VPS53: variants seen among roughly 807,000 people sequenced by gnomAD.
VPS53 encodes the protein vacuolar protein sorting-associated protein 53 homolog.
VPS53 carries 70 observed loss-of-function variants against 107.0 expected under a neutral mutation model. The observed-to-expected ratio is 0.65, with a 90% CI of 0.54 to 0.80. The LOEUF (loss-of-function observed/expected upper bound fraction) is 0.80. Among genes scored for constraint, VPS53 ranks in the 30% least tolerant of loss-of-function variants. The probability of loss-of-function intolerance (pLI) is 0.00; values close to 1 mark genes in which losing one functional copy is unlikely to be tolerated. For missense variants in VPS53, 917 were observed against 1,049.4 expected, an observed-to-expected ratio of 0.87 and a Z score of 1.74; for synonymous variants, 409 against 393.3, an observed-to-expected ratio of 1.04 and a Z score of -0.47.
At chr17:556,932 G>A (rs564153472) in intron 15 of VPS53, among the ~76,000 whole-genome samples, 21 of 152,154 alleles carry the variant, frequency 1.4e-4, no homozygotes, top group Non-Finnish European at 2.6e-4. Flanking sequence ...TGGCCAGGAG[G>A]GGCTCTCTGA....
intron 13 of VPS53, among the ~76,000 whole-genome samples, chr17:585,478 G>C (rs1055802857): frequency 3.0e-4 from 45 of 152,210 alleles, no homozygotes; most frequent in Admixed American, 2.1e-3. Context: ...GCAACACAGG[G>C]AGACAGAATC....
chr17:562,912 C>T (rs1009815330), intron 13 of VPS53, among the ~76,000 whole-genome samples, 167 bp from the exon 14 acceptor site: 1 of 152,164 alleles, frequency 6.6e-6, no homozygotes, highest in Non-Finnish European at 1.5e-5. Context: ...ACTACCACCA[C>T]CACTCCTACA....
intron 14 of VPS53, among the ~76,000 whole-genome samples, chr17:561,925 C>T (rs893509459): frequency 2.0e-5 from 3 of 152,182 alleles, no homozygotes. Context: ...TAGGCTATGT[C>T]CAGTTCTAAT....
At chr17:620,960 A>C (rs1198303147) in intron 11 of VPS53, among the ~76,000 whole-genome samples, 1 of 152,130 alleles carries the variant, frequency 6.6e-6, no homozygotes, top group Non-Finnish European at 1.5e-5. Flanking sequence ...GATTTGGCCC[A>C]TCTCTCTCAT....
Position 663,037 on chromosome 17 carries a change from C to T in VPS53, c.286-1142G>A, listed in dbSNP as rs182330052. On this transcript the variant is annotated intron_variant, in intron 4 of 21. Transcript: ENST00000437048. The stretch of plus-strand genomic sequence containing the variant: ...CCTGGGGAACATGGCAAGACTCGGT[C>T]TCTGCAAAAAAAAAAGTTAGCCAGG... Among the ~76,000 whole-genome samples the T allele has an allele frequency of 2.9e-3, 445 of 151,460 alleles. 5 individuals carry two copies. Among genetic ancestry groups the T allele is most frequent in the East Asian group, 0.016 (80 of 5,134 alleles).
At chr17:677,880 A>T (rs1972229492) in intron 4 of VPS53, among the ~76,000 whole-genome samples, 1 of 152,072 alleles carries the variant, frequency 6.6e-6, no homozygotes, top group Non-Finnish European at 1.5e-5. Context: ...AACATTTAAA[A>T]GGCTGAGGCA....
At chr17:608,695 A>T (rs904008495) in intron 11 of VPS53, among the ~76,000 whole-genome samples, 1 of 149,574 alleles carries the variant, frequency 6.7e-6, no homozygotes, top group African/African-American at 2.5e-5. Context: ...AGCTCACTGC[A>T]GTCTTGAACT....
chr17:710,394 G>A (rs1973593137), intron 2 of VPS53, 139 bp downstream of exon 2: 5 of 653,304 alleles, frequency 7.7e-6, no homozygotes, highest in South Asian at 1.9e-5. Flanking sequence ...GCCCCAGCTG[G>A]TGATGATGGA....
intron 4 of VPS53, among the ~76,000 whole-genome samples, chr17:689,621 G>A (rs1046941843): frequency 1.3e-5 from 2 of 151,738 alleles, no homozygotes; most frequent in African/African-American, 4.8e-5. Context: ...CTACAGGCAC[G>A]CACCACTGCA....
At chr17:646,868 A>G (rs535377054) in intron 7 of VPS53, among the ~76,000 whole-genome samples, 25 of 149,970 alleles carry the variant, frequency 1.7e-4, no homozygotes, top group Non-Finnish European at 3.3e-4. Flanking sequence ...CGGACTGGAG[A>G]TCGGCTCCCA....
chr17:670,286 GC>G (rs1971883509), intron 4 of VPS53, among the ~76,000 whole-genome samples: 1 of 152,186 alleles, frequency 6.6e-6, no homozygotes, highest in Non-Finnish European at 1.5e-5. Flanking sequence ...AGCGGTGACT[GC>G]CGTGCTCCTC....
At chr17:626,701 G>C (rs1024469045) in intron 10 of VPS53, among the ~76,000 whole-genome samples, 1 of 152,162 alleles carries the variant, frequency 6.6e-6, no homozygotes, top group African/African-American at 2.4e-5. Context: ...ACTATCCAGA[G>C]GCTATACACA....
chr17:593,809 G>A (rs958906673), intron 12 of VPS53, among the ~76,000 whole-genome samples: 8 of 152,218 alleles, frequency 5.3e-5, no homozygotes, highest in African/African-American at 1.9e-4. Context: ...CCATTACTGG[G>A]TATATACCCA....
At chr17:640,691 C>T (rs923658525) in intron 7 of VPS53, among the ~76,000 whole-genome samples, 1 of 151,714 alleles carries the variant, frequency 6.6e-6, no homozygotes, top group Admixed American at 6.6e-5. Context: ...GTGGGGCTAG[C>T]AGCCCATACT....
intron 12 of VPS53, among the ~76,000 whole-genome samples, chr17:597,944 T>C (rs1597361123): frequency 7.5e-6 from 1 of 133,916 alleles, no homozygotes; most frequent in Non-Finnish European, 1.6e-5. Flanking sequence ...ACAAAATGAC[T>C]TGCAGCTCTC....
At chr17:633,077 G>A (rs1011276535) in intron 7 of VPS53, among the ~76,000 whole-genome samples, 3 of 152,188 alleles carry the variant, frequency 2.0e-5, no homozygotes, top group African/African-American at 7.2e-5. Context: ...GAGTGTACTA[G>A]GAGCTCAAGA....
chr17:526,225 G>GA lies in VPS53; in HGVS notation c.2086-4488dup, dbSNP rs11417356. Among the ~76,000 whole-genome samples the GA allele has an allele frequency of 6.0e-3, 899 of 148,826 alleles. 22 individuals are homozygous for GA. In the East Asian group the frequency reaches 0.07, roughly 12 times the overall value. ...TGTCTTAGCATTCATTTGTTGGTAG[G>GA]AAAAAAAAAATCAGTCATTATATTT... On this transcript the variant is annotated intron_variant, in intron 19 of 21. Coordinates refer to ENST00000437048, the MANE Select transcript of VPS53 (RefSeq NM_001128159.3).
At chr17:670,562 T>A (rs1168384798) in intron 4 of VPS53, among the ~76,000 whole-genome samples, 1 of 152,190 alleles carries the variant, frequency 6.6e-6, no homozygotes, top group Non-Finnish European at 1.5e-5. Flanking sequence ...TGCAGAACTG[T>A]TGTCTGCCAC....
intron 4 of VPS53, among the ~76,000 whole-genome samples, chr17:670,046 G>A (rs1468840146): frequency 6.6e-6 from 1 of 152,234 alleles, no homozygotes; most frequent in African/African-American, 2.4e-5. Flanking sequence ...GAGCACTGGA[G>A]CTACAGCTTA....
Sources: allele counts gnomAD v4.1 joint callset (sites outside exome capture counted in the v4.1 genomes callset), GRCh38; gene constraint gnomAD v4.1.1; transcripts MANE v1.5; gene names NCBI Gene and HGNC (gene_info 2026-07-23, HGNC 2026-07-21).